PPP6R3: variants seen among roughly 807,000 people sequenced by gnomAD.
PPP6R3 encodes protein phosphatase 6 regulatory subunit 3, also known as serine/threonine-protein phosphatase 6 regulatory subunit 3.
In PPP6R3, 38 loss-of-function variants were observed where a neutral mutation model predicts 110.7. That is an observed-to-expected ratio of 0.34 (90% CI 0.26 to 0.45). The LOEUF is 0.45. Ranked by LOEUF, PPP6R3 falls within the 20% of genes least tolerant of loss-of-function variation. The probability of loss-of-function intolerance (pLI) is 1.00; values close to 1 mark genes in which losing one functional copy is unlikely to be tolerated. For missense variants in PPP6R3, 870 were observed against 1,062.4 expected (o/e 0.82, Z 2.52); for synonymous variants, 369 against 373.5 (o/e 0.99, Z 0.14).
intron 1 of PPP6R3, among the ~76,000 whole-genome samples, chr11:68,475,537 GGGGC>G (rs2098823018): frequency 6.7e-6 from 1 of 149,940 alleles, no homozygotes; most frequent in Non-Finnish European, 1.5e-5. Flanking sequence ...CGGCCGGGCG[GGGGC>G]TGGCCCCCCA....
At chr11:68,572,742 C>G (rs115899220) in intron 12 of PPP6R3, among the ~76,000 whole-genome samples, 1 of 151,778 alleles carries the variant, frequency 6.6e-6, no homozygotes, top group Admixed American at 6.6e-5. Context: ...CTCAAGAGGC[C>G]GAAGTGAGAG....
chr11:68,557,751 C>T (rs1593109974), intron 7 of PPP6R3, among the ~76,000 whole-genome samples: 1 of 152,198 alleles, frequency 6.6e-6, no homozygotes, highest in East Asian at 1.9e-4. Context: ...AACTCCTGAC[C>T]TTGTGATCCG....
intron 16 of PPP6R3, among the ~76,000 whole-genome samples, chr11:68,589,560 A>G (rs2099589106): frequency 6.6e-6 from 1 of 152,236 alleles, no homozygotes; most frequent in Non-Finnish European, 1.5e-5. Context: ...GGTAGATATT[A>G]TAGCTCATTG....
intron 9 of PPP6R3, among the ~76,000 whole-genome samples, chr11:68,565,113 C>G (rs559962573): frequency 2.2e-4 from 33 of 151,646 alleles, no homozygotes; most frequent in African/African-American, 7.3e-4. Context: ...TGCCCTATAT[C>G]ATTGAATCTG....
chr11:68,563,196 A>G lies in PPP6R3; in HGVS notation c.846-1107A>G, dbSNP rs113795976. ...GAGGAGGATCACTTGAGCCCAGGAAACAACAAAAACAAAGCAGTAATTTAT... is the reference window on the plus strand; with the variant it reads ...GAGGAGGATCACTTGAGCCCAGGAAGCAACAAAAACAAAGCAGTAATTTAT... On this transcript the variant is annotated intron_variant, in intron 8 of 23. Coordinates refer to ENST00000393800, the MANE Select transcript of PPP6R3 (RefSeq NM_001164161.2). 4.2e-3 allele frequency among the ~76,000 whole-genome samples: 637 copies of G among 152,154 alleles called. 2 individuals are homozygous for G. The highest frequency in any genetic ancestry group is 0.015 in the African/African-American group (609 of 41,518).
rs1379394425 is a variant in PPP6R3, at chr11:68,614,316, C to T, written c.*1199C>T. On this transcript the variant is annotated 3_prime_UTR_variant, in exon 24 of 24. Coordinates refer to ENST00000393800, the MANE Select transcript of PPP6R3 (RefSeq NM_001164161.2). ...TCTATGTCAATACAAAAATACATCA[C>T]AGCCTTCTCAAACAGCTCAAGCAAT... The T allele has an allele frequency of 4.7e-6, 5 of 1,067,772 alleles. No homozygotes were observed. Among genetic ancestry groups the T allele is most frequent in the Non-Finnish European group, 4.5e-6 (4 of 882,076 alleles). The allele number at this position is 1,067,772 out of a possible 1,614,324, so 66.1% of individuals were successfully genotyped here. A position where few individuals can be genotyped will look rare whatever the true frequency, so the allele number is the denominator to read the frequency against.
chr11:68,461,060 C>T (rs2098701283), intron 1 of PPP6R3, among the ~76,000 whole-genome samples: 1 of 151,546 alleles, frequency 6.6e-6, no homozygotes, highest in Non-Finnish European at 1.5e-5. Flanking sequence ...CCAGGACGGG[C>T]GCCGGGAGCG....
At chr11:68,502,108 A>G (rs1039599549) in intron 1 of PPP6R3, among the ~76,000 whole-genome samples, 13 of 152,226 alleles carry the variant, frequency 8.5e-5, no homozygotes, top group African/African-American at 2.9e-4. Flanking sequence ...CCCTCATGAA[A>G]TGCTCAGGAC....
chr11:68,529,464 A>G (rs2099223749), intron 2 of PPP6R3, among the ~76,000 whole-genome samples: 1 of 152,034 alleles, frequency 6.6e-6, no homozygotes, highest in South Asian at 2.1e-4. Context: ...TGATCCACCC[A>G]CCTCAGCTGC....
At chr11:68,484,393 C>T (rs1234265372) in intron 1 of PPP6R3, among the ~76,000 whole-genome samples, 1 of 152,038 alleles carries the variant, frequency 6.6e-6, no homozygotes, top group African/African-American at 2.4e-5. Context: ...TTGAGTTTGG[C>T]CATTTTAATA....
chr11:68,476,202 T>C (rs557407253), intron 1 of PPP6R3, among the ~76,000 whole-genome samples: 13 of 152,356 alleles, frequency 8.5e-5, no homozygotes, highest in Admixed American at 2.6e-4. Flanking sequence ...AGATTCCGTC[T>C]GCAATTCCGG....
At chr11:68,568,009 G>A (rs2099485705) in intron 10 of PPP6R3, among the ~76,000 whole-genome samples, 1 of 152,052 alleles carries the variant, frequency 6.6e-6, no homozygotes, top group Admixed American at 6.5e-5. Context: ...TGGCTAGTGA[G>A]CGGTGAAGCC....
At chr11:68,552,409 T>C (rs2099384829) in intron 6 of PPP6R3, among the ~76,000 whole-genome samples, 1 of 152,230 alleles carries the variant, frequency 6.6e-6, no homozygotes. Flanking sequence ...TCAGAAACTT[T>C]TCATACCTGG....
rs116292300 is a variant in PPP6R3, at chr11:68,544,535, C to T, written c.228-303C>T. ...ACGTCCAGCCGCTTTCCTCGCTGAT[C>T]GTGGAGAAGGCCCGGGCCCTGCAGC... On this transcript the variant is annotated intron_variant, in intron 3 of 23. Coordinates refer to ENST00000393800, the MANE Select transcript of PPP6R3 (RefSeq NM_001164161.2). 9.8e-3 allele frequency among the ~76,000 whole-genome samples: 1,490 copies of T among 152,292 alleles called. 26 individuals carry two copies. Among genetic ancestry groups the T allele is most frequent in the African/African-American group, 0.034 (1,416 of 41,546 alleles).
At chr11:68,559,390 G>T (rs537558355) in intron 8 of PPP6R3, among the ~76,000 whole-genome samples, 3 of 152,304 alleles carry the variant, frequency 2.0e-5, no homozygotes, top group East Asian at 1.9e-4. Context: ...AATCTGAAGA[G>T]GTATGTATAA....
At chr11:68,511,991 T>A (rs975800374) in intron 1 of PPP6R3, among the ~76,000 whole-genome samples, 2 of 152,184 alleles carry the variant, frequency 1.3e-5, no homozygotes, top group African/African-American at 4.8e-5. Flanking sequence ...CTGTGTTCTG[T>A]GTTACCTTGT....
intron 5 of PPP6R3, among the ~76,000 whole-genome samples, chr11:68,549,598 C>T (rs1005636883): frequency 2.0e-5 from 3 of 152,056 alleles, no homozygotes; most frequent in African/African-American, 4.8e-5. Context: ...GTATCTTTTC[C>T]CAAAAGAGGT....
In PPP6R3 at chr11:68,611,838, T is replaced by C. The variant is rs78948272; in HGVS notation, c.2571-1228T>C. On this transcript the variant is annotated intron_variant, in intron 23 of 23. Transcript: ENST00000393800. ...GTATGACAGCATGGGATATTGAAGC[T>C]CACCCGTCTTTCCTGTGTGGTTCCC... 7.6e-3 allele frequency among the ~76,000 whole-genome samples: 1,155 copies of C among 152,302 alleles called. 8 individuals carry two copies. The highest frequency in any genetic ancestry group is 0.013 in the Non-Finnish European group (853 of 68,016).
chr11:68,591,118 T>C (rs891157007), intron 17 of PPP6R3, among the ~76,000 whole-genome samples: 3 of 151,894 alleles, frequency 2.0e-5, no homozygotes, highest in African/African-American at 4.8e-5. Flanking sequence ...GGAGACAGTT[T>C]ATTGATTTTA....
Sources: allele counts gnomAD v4.1 joint callset (sites outside exome capture counted in the v4.1 genomes callset), GRCh38; gene constraint gnomAD v4.1.1; transcripts MANE v1.5; gene names NCBI Gene and HGNC (gene_info 2026-07-23, HGNC 2026-07-21).